Variants in COL8A2 observed in about 807,000 individuals in gnomAD.
COL8A2 encodes the protein collagen type VIII alpha 2 chain.
COL8A2 carries 16 observed loss-of-function variants against 24.0 expected under a neutral mutation model. That is an observed-to-expected ratio of 0.67 (90% CI 0.45 to 1.01). The LOEUF (loss-of-function observed/expected upper bound fraction) is 1.01, where lower values mean the gene tolerates loss of function less well. Among genes scored for constraint, COL8A2 ranks in the 50% least tolerant of loss-of-function variants. COL8A2 has a pLI of 0.00. For synonymous variants in COL8A2, 466 were observed against 424.5 expected (o/e 1.10, Z -1.20); for missense variants, 818 against 942.4 (o/e 0.87, Z 1.73).
At position 36,095,288 on chromosome 1, in the gene COL8A2, G is replaced by A. The variant is rs192490907; in HGVS notation, c.*2281C>T. On this transcript the variant is annotated 3_prime_UTR_variant, in exon 4 of 4. Coordinates refer to ENST00000397799, the MANE Select transcript of COL8A2 (RefSeq NM_005202.4). The stretch of plus-strand genomic sequence containing the variant: ...AGGATGTGTCAATACAGTTAACATG[G>A]TTGCTTGTCTTTTCAAAAAGAAGTT... 2 of 152,266 alleles carry A rather than the reference G, an allele frequency of 1.3e-5. No homozygotes were observed. The highest frequency in any genetic ancestry group is 1.3e-4 in the Admixed American group (2 of 15,290). The allele number at this position is 152,266 out of a possible 1,614,324, so 9.4% of individuals were successfully genotyped here. A position where few individuals can be genotyped will look rare whatever the true frequency, so the allele number is the denominator to read the frequency against.
chr1:36,124,284 G>A (rs1462464127), intron 1 of COL8A2, among the ~76,000 whole-genome samples: 1 of 152,186 alleles, frequency 6.6e-6, no homozygotes, highest in Non-Finnish European at 1.5e-5. Context: ...AGTTTTCCCC[G>A]TGGCAATAGC....
Position 36,099,350 on chromosome 1 carries a change from G to T in COL8A2, c.331C>A (p.Pro111Thr). ...GMGKPGLHGQPGPAGPPGFSR... is the reference protein window; with the variant it reads ...GMGKPGLHGQTGPAGPPGFSR... ...AAGCCAGGGGGCCCAGCAGGGCCAG[G>T]CTGCCCATGGAGTCCTGGCTTTCCC... is the stretch of plus-strand genomic sequence containing the variant. Residue 111 changes from proline to threonine, a missense_variant, in exon 4 of 4, where the codon CCT becomes ACT. Pro to Thr is a conservative substitution (Grantham distance 38). Coordinates refer to ENST00000397799, the MANE Select transcript of COL8A2 (RefSeq NM_005202.4). 6.3e-7 allele frequency: 1 copy of T among 1,581,658 alleles called. No homozygotes were observed. The highest frequency in any genetic ancestry group is 1.8e-5 in the Admixed American group (1 of 55,538).
rs751810211 is a variant in COL8A2, at chr1:36,099,039, C to T, written c.642G>A (p.Gly214=). The T allele has an allele frequency of 6.5e-7, 1 of 1,532,088 alleles. No homozygotes were observed. The highest frequency in any genetic ancestry group is 2.2e-5 in the Admixed American group (1 of 46,210). 94.9% of individuals were successfully genotyped at this position (1,532,088 alleles called of 1,614,324 possible). A position where few individuals can be genotyped will look rare whatever the true frequency, so the allele number is the denominator to read the frequency against. ...LKGDNGVGQP[G]LPGAPGQGGA... is the part of the protein sequence containing the mutation. ...CCCCCTGCCCTGGGGCCCCAGGCAGCCCGGGCTGGCCCACTCCATTATCCC... is the reference window on the plus strand; with the variant it reads ...CCCCCTGCCCTGGGGCCCCAGGCAGTCCGGGCTGGCCCACTCCATTATCCC... The change falls in exon 4 of 4, where the codon GGG becomes GGA. Residue 214 remains glycine (G), a synonymous_variant. Transcript: ENST00000397799.
chr1:36,100,224 G>T lies in COL8A2; in HGVS notation c.19C>A (p.Pro7Thr), dbSNP rs966626913. MLGTLT[P>T]LSSLLLLLLV... The stretch of plus-strand genomic sequence containing the variant: ...AGCAGCAGCAGCAGCGAAGACAGGG[G>T]TGTCAGAGTCCCCAGCATGGCGTCC... The change falls in exon 3 of 4, where the codon CCC becomes ACC. Residue 7 changes from proline (P) to threonine (T), a missense_variant. Coordinates refer to ENST00000397799, the MANE Select transcript of COL8A2 (RefSeq NM_005202.4). 3 of 1,572,148 alleles carry T rather than the reference G, an allele frequency of 1.9e-6. No individual in the cohort carries two copies.
At position 36,100,452 on chromosome 1, in the gene COL8A2, A is replaced by G. The variant is rs1427402177; in HGVS notation, c.-16-194T>C. 2.6e-5 allele frequency among the ~76,000 whole-genome samples: 4 copies of G among 152,114 alleles called. No homozygotes were observed. The East Asian group carries it at 7.7e-4, about 29-fold the overall frequency. ...GGGGTCTGCATAAGCCACCTCCTAA[A>G]CTTCTTCAGACCCTGCCTGTGGCTG... On this transcript the variant is annotated intron_variant, in intron 2 of 3. Transcript: ENST00000397799.
intron 2 of COL8A2, among the ~76,000 whole-genome samples, chr1:36,114,829 C>T (rs776201836): frequency 1.5e-4 from 23 of 151,964 alleles, no homozygotes; most frequent in Non-Finnish European, 2.6e-4. Context: ...GGGCCACTTT[C>T]TCTTTGTTGC....
intron 1 of COL8A2, among the ~76,000 whole-genome samples, chr1:36,122,274 G>T (rs1643919552): frequency 2.0e-5 from 3 of 152,162 alleles, no homozygotes; most frequent in Admixed American, 2.0e-4. Context: ...GAGCTGGGAA[G>T]TCCTAGATCT....
Position 36,099,400 on chromosome 1 carries a change from G to C in COL8A2, c.281C>G (p.Pro94Arg). The change falls in exon 4 of 4, where the codon CCT becomes CGT. Residue 94 changes from proline (P) to arginine (R), a missense_variant. Around this residue, in one of 3 missense-constraint regions of COL8A2, gnomAD observed 573 missense variants for 616.8 expected, o/e 0.93. Coordinates refer to ENST00000397799, the MANE Select transcript of COL8A2 (RefSeq NM_005202.4). Reference sequence around the variant, plus strand: ...CATGCCTGGTTTTCCTGGGAAGCCAGGGGGGCCAGGGGGACCCCGAGGCCC... The same window carrying C: ...CATGCCTGGTTTTCCTGGGAAGCCACGGGGGCCAGGGGGACCCCGAGGCCC... ...KPGPRGPPGP[P>R]GFPGKPGMGK... 1 of 1,555,076 alleles carries C rather than the reference G, an allele frequency of 6.4e-7. No individual in the cohort carries two copies. Among genetic ancestry groups the C allele is most frequent in the Non-Finnish European group, 8.7e-7 (1 of 1,153,874 alleles).
chr1:36,123,233 C>A lies in COL8A2; in HGVS notation c.-62+1824G>T, dbSNP rs972518700. Among the ~76,000 whole-genome samples the A allele has an allele frequency of 1.3e-5, 2 of 152,176 alleles. No homozygotes were observed. Among genetic ancestry groups the A allele is most frequent in the Admixed American group, 1.3e-4 (2 of 15,270 alleles). On this transcript the variant is annotated intron_variant, in intron 1 of 3. Transcript: ENST00000397799. The surrounding 1 kb of genome is among the most constrained non-coding windows in gnomAD (Gnocchi z 4.1). Reference sequence around the variant, plus strand: ...ACGGATGGGACCAGCGCATCTGAGACCCCACTTCCCTGTAAGAGGTGCCCC... The same window carrying A: ...ACGGATGGGACCAGCGCATCTGAGAACCCACTTCCCTGTAAGAGGTGCCCC...
intron 1 of COL8A2, among the ~76,000 whole-genome samples, chr1:36,119,612 T>C (rs1643896043): frequency 6.6e-6 from 1 of 152,168 alleles, no homozygotes; most frequent in African/African-American, 2.4e-5. Flanking sequence ...ATGAAAAGAA[T>C]GCTTGCCATG....
chr1:36,113,180 T>C (rs1292170252), intron 2 of COL8A2, among the ~76,000 whole-genome samples: 7 of 151,974 alleles, frequency 4.6e-5, no homozygotes, highest in Admixed American at 2.6e-4. Context: ...GCCACCGGAG[T>C]GTGTGCTGTG....
Position 36,096,602 on chromosome 1 carries a change from C to G in COL8A2, c.*967G>C, listed in dbSNP as rs79036025. The G allele has an allele frequency of 6.6e-6, 1 of 152,186 alleles. No individual in the cohort carries two copies. Among genetic ancestry groups the G allele is most frequent in the South Asian group, 2.1e-4 (1 of 4,826 alleles). The allele number at this position is 152,186 out of a possible 1,614,324, so 9.4% of individuals were successfully genotyped here. On this transcript the variant is annotated 3_prime_UTR_variant, in exon 4 of 4. Transcript: ENST00000397799. ...GAGAGGTGCTCTGCCTTGGGGATAC[C>G]TGGCTGGGGTGACAAGGATCCTCTT...
At chr1:36,109,608 G>C (rs1167401956) in intron 2 of COL8A2, among the ~76,000 whole-genome samples, 4 of 147,476 alleles carry the variant, frequency 2.7e-5, no homozygotes, top group Non-Finnish European at 1.5e-5. Context: ...TTTTGAGACA[G>C]AGCCAGGCTG....
rs983214880 is a variant in COL8A2 at position 36,099,330 on chromosome 1, A to G, written c.351T>C (p.Pro117=). Residue 117 remains proline (P), a synonymous_variant, in exon 4 of 4, where the codon CCT becomes CCC. Coordinates refer to ENST00000397799, the MANE Select transcript of COL8A2 (RefSeq NM_005202.4). ...CAGCCTTGCCCATCCGGGAGAAGCC[A>G]GGGGGCCCAGCAGGGCCAGGCTGCC... The part of the protein sequence containing the change: ...LHGQPGPAGP[P]GFSRMGKAGP... The G allele has an allele frequency of 1.1e-5, 18 of 1,582,626 alleles. No homozygotes were observed. Among genetic ancestry groups the G allele is most frequent in the Non-Finnish European group, 1.5e-5 (18 of 1,166,876 alleles).
rs758598302 is a variant in COL8A2, at chr1:36,098,443, A to T, written c.1238T>A (p.Leu413His). Residue 413 changes from leucine (L) to histidine (H), a missense_variant, in exon 4 of 4, where the codon CTT becomes CAT. Around this residue, in one of 3 missense-constraint regions of COL8A2, gnomAD observed 573 missense variants for 616.8 expected, o/e 0.93. Coordinates refer to ENST00000397799, the MANE Select transcript of COL8A2 (RefSeq NM_005202.4). ...TCCAGGGGGTCCATGGGCCCCAGGA[A>T]GTCCCCTCTCACCTGGGACCCCTGG... ...GKPGVPGERG[L>H]PGAHGPPGPT... 3.1e-6 allele frequency: 5 copies of T among 1,587,488 alleles called. No individual in the cohort carries two copies. Among genetic ancestry groups the T allele is most frequent in the Non-Finnish European group, 4.3e-6 (5 of 1,167,504 alleles).
chr1:36,122,548 T>A (rs1643921966), intron 1 of COL8A2, among the ~76,000 whole-genome samples: 1 of 151,766 alleles, frequency 6.6e-6, no homozygotes, highest in Non-Finnish European at 1.5e-5. Context: ...CAAACCCACA[T>A]CTCCCCTGCA....
rs997476672 is a variant in COL8A2, at chr1:36,125,121, G to A, written c.-126C>T. 4.7e-5 allele frequency: 43 copies of A among 919,808 alleles called. No individual in the cohort carries two copies. In the African/African-American group the frequency reaches 7.0e-4, roughly 15 times the overall value. 57.0% of individuals were successfully genotyped at this position (919,808 alleles called of 1,614,324 possible). ...GGGCGGCCCGGGCGGCGAGGGCTCC[G>A]GGCAGGGGCGTCCGCGGCTGGGCGG... is the stretch of plus-strand genomic sequence containing the variant. On this transcript the variant is annotated 5_prime_UTR_variant, in exon 1 of 4. Transcript: ENST00000397799. The surrounding 1 kb of genome is among the most constrained non-coding windows in gnomAD (Gnocchi z 4.5).
At chr1:36,101,019 A>G (rs1643672593) in intron 2 of COL8A2, among the ~76,000 whole-genome samples, 1 of 147,344 alleles carries the variant, frequency 6.8e-6, no homozygotes, top group African/African-American at 2.5e-5. Context: ...TTAGCCTCCC[A>G]AGTAGCTGGA....
chr1:36,098,390 A>G lies in COL8A2; in HGVS notation c.1291T>C (p.Phe431Leu). 6.3e-7 allele frequency: 1 copy of G among 1,575,396 alleles called. No homozygotes were observed. Among genetic ancestry groups the G allele is most frequent in the Admixed American group, 1.8e-5 (1 of 55,770 alleles). The change falls in exon 4 of 4, where the codon TTC (phenylalanine) becomes CTC (leucine). Residue 431 changes from phenylalanine to leucine, a missense_variant. This residue lies in a region of COL8A2 where 573 missense variants were observed against 616.8 expected (regional missense o/e 0.93). Transcript: ENST00000397799. ...GPTGPKGEPG[F>L]TGRPGGPGVA... ...CCTGGTCCTCCAGGGCGACCCGTGA[A>G]ACCCGGCTCACCCTTGGGCCCAGTT...
Sources: gnomAD v4.1 joint callset for allele counts (sites outside exome capture counted in the v4.1 genomes callset) on GRCh38, gnomAD v4.1.1 for gene constraint, gnomAD v4.1.1 regional missense constraint, Gnocchi (gnomAD v3.1) non-coding constraint, MANE v1.5 for transcripts, NCBI Gene and HGNC (gene_info 2026-07-23, HGNC 2026-07-21) for gene names.